The following PTPRD variants were observed in gnomAD, a reference collection of about 807,000 sequenced individuals.
The protein encoded by PTPRD is receptor-type tyrosine-protein phosphatase delta.
A neutral mutation model predicts 214.5 loss-of-function variants in PTPRD; 34 were observed. The ratio of observed to expected loss-of-function variants is 0.16; its 90% CI spans 0.12 to 0.21. The LOEUF (loss-of-function observed/expected upper bound fraction) is 0.21, where lower values mean the gene tolerates loss of function less well. PTPRD is among the 10% of genes least tolerant of loss of function. PTPRD has a pLI of 1.00. For synonymous variants in PTPRD, 1,128 were observed against 845.7 expected, an observed-to-expected ratio of 1.33 and a Z score of -5.79; for missense variants, 2,545 against 2,398.7, an observed-to-expected ratio of 1.06 and a Z score of -1.27.
chr9:9,175,938 C>A (rs1369183579), intron 10 of PTPRD, among the ~76,000 whole-genome samples: 1 of 152,136 alleles, frequency 6.6e-6, no homozygotes, highest in African/African-American at 2.4e-5. Context: ...GAAAGAAGCA[C>A]AAAGTCTTTT....
In PTPRD at chr9:8,318,154, CT is replaced by C. The variant is rs540929190; in HGVS notation, c.5671-213del. Among the ~76,000 whole-genome samples, 849 of 152,030 alleles carry C rather than the reference CT, an allele frequency of 5.6e-3. 8 individuals are homozygous for C. Among genetic ancestry groups the C allele is most frequent in the African/African-American group, 0.019 (769 of 41,482 alleles). On this transcript the variant is annotated intron_variant, in intron 45 of 45. Transcript: ENST00000381196. ...TGATTAACTTTGCCAATCAATTTGA[CT>C]AAAACGATCTCCCAATTCCAAGCAG...
In PTPRD at chr9:8,403,207, G is replaced by T. The variant is rs896560192; in HGVS notation, c.4210+1330C>A. Among the ~76,000 whole-genome samples, 7 of 152,158 alleles carry T rather than the reference G, an allele frequency of 4.6e-5. No individual in the cohort carries two copies. In the South Asian group the frequency reaches 1.2e-3, roughly 27 times the overall value. ...GTCAGAGTTATAAAATAAAGCGGTG[G>T]TCAGCAGAGATTTTGGAAGCAGAAA... On this transcript the variant is annotated intron_variant, in intron 36 of 45. Transcript: ENST00000381196.
chr9:8,534,640 C>T (rs566875262), intron 14 of PTPRD, among the ~76,000 whole-genome samples: 314 of 149,254 alleles, frequency 2.1e-3, no homozygotes, highest in Admixed American at 4.4e-3. Flanking sequence ...TATATATATA[C>T]ACACACACAC....
At chr9:8,752,434 C>A (rs2093624560) in intron 11 of PTPRD, among the ~76,000 whole-genome samples, 1 of 152,186 alleles carries the variant, frequency 6.6e-6, no homozygotes, top group African/African-American at 2.4e-5. Context: ...TTTAGCATAT[C>A]ATCAAGAAAT....
chr9:8,693,617 G>A (rs374260956), intron 12 of PTPRD, among the ~76,000 whole-genome samples: 13 of 152,334 alleles, frequency 8.5e-5, no homozygotes, highest in African/African-American at 2.9e-4. Flanking sequence ...CATATTCGAT[G>A]TAAGTGACAG....
At chr9:9,882,335 C>A (rs570669577) in intron 5 of PTPRD, among the ~76,000 whole-genome samples, 1 of 152,094 alleles carries the variant, frequency 6.6e-6, no homozygotes, top group African/African-American at 2.4e-5. Context: ...AAGGTTTTCC[C>A]ATCATTTTTG....
intron 8 of PTPRD, among the ~76,000 whole-genome samples, chr9:9,425,764 G>C (rs2080632185): frequency 1.3e-5 from 2 of 152,074 alleles, no homozygotes; most frequent in South Asian, 4.2e-4. Flanking sequence ...CATTTGGTTA[G>C]GAAAATCAGC....
chr9:8,988,847 C>T (rs2099355495), intron 11 of PTPRD, among the ~76,000 whole-genome samples: 1 of 152,054 alleles, frequency 6.6e-6, no homozygotes, highest in South Asian at 2.1e-4. Flanking sequence ...TTCTTCTACA[C>T]AGAATTGTTC....
chr9:9,557,140 T>C (rs1211194217), intron 8 of PTPRD, among the ~76,000 whole-genome samples: 1 of 152,174 alleles, frequency 6.6e-6, no homozygotes, highest in Non-Finnish European at 1.5e-5. Context: ...AACAAAATTA[T>C]AGCTCCCGCA....
rs562357656 is a variant in PTPRD, at chr9:9,840,756, C to T, written c.-367-73905G>A. 5.4e-4 allele frequency among the ~76,000 whole-genome samples: 44 copies of T among 81,184 alleles called. 1 individual carries two copies. Among genetic ancestry groups the T allele is most frequent in the African/African-American group, 2.7e-3 (43 of 16,196 alleles). 53.3% of individuals were successfully genotyped at this position (81,184 alleles called of 152,430 possible). ...CCAGCCTGGCGACAGAGCAAGACTC[C>T]GTTTCAAAAAAAAAAAAAAAAAAAA... On this transcript the variant is annotated intron_variant, in intron 5 of 45. Coordinates refer to ENST00000381196, the MANE Select transcript of PTPRD (RefSeq NM_002839.4).
intron 12 of PTPRD, among the ~76,000 whole-genome samples, chr9:8,703,269 GCT>G (rs1336791852): frequency 6.6e-6 from 1 of 152,142 alleles, no homozygotes; most frequent in Non-Finnish European, 1.5e-5. Context: ...AGTTTAAAGT[GCT>G]CTTTTTTTGT....
intron 9 of PTPRD, among the ~76,000 whole-genome samples, chr9:9,266,967 T>A (rs151205097): frequency 6.6e-6 from 1 of 151,146 alleles, no homozygotes; most frequent in Admixed American, 6.6e-5. Context: ...ATAAATGAAA[T>A]AGAGACTACA....
chr9:9,507,923 TA>T (rs1199419572), intron 8 of PTPRD, among the ~76,000 whole-genome samples: 3 of 151,614 alleles, frequency 2.0e-5, no homozygotes, highest in African/African-American at 7.2e-5. Flanking sequence ...AGAGAAAACT[TA>T]AAACTCATTT....
chr9:10,234,974 C>T (rs2099624247), intron 3 of PTPRD, among the ~76,000 whole-genome samples: 1 of 151,152 alleles, frequency 6.6e-6, no homozygotes, highest in Non-Finnish European at 1.5e-5. Flanking sequence ...GTGCAACATA[C>T]AATTATTATG....
At chr9:9,747,272 C>T (rs1315645287) in intron 6 of PTPRD, among the ~76,000 whole-genome samples, 1 of 152,110 alleles carries the variant, frequency 6.6e-6, no homozygotes, top group African/African-American at 2.4e-5. Flanking sequence ...CTCATGATTT[C>T]CGATATGAAA....
intron 11 of PTPRD, among the ~76,000 whole-genome samples, chr9:8,904,459 G>A (rs533543447): frequency 6.6e-6 from 1 of 152,046 alleles, no homozygotes; most frequent in Non-Finnish European, 1.5e-5. Context: ...ATCACCTAAG[G>A]TCAGGAGTTC....
chr9:10,390,948 C>A (rs2098049730), intron 2 of PTPRD, among the ~76,000 whole-genome samples: 1 of 151,822 alleles, frequency 6.6e-6, no homozygotes. Flanking sequence ...ATGTCCCCAG[C>A]TAACAGTCAC....
intron 3 of PTPRD, among the ~76,000 whole-genome samples, chr9:10,076,936 C>T (rs941099624): frequency 6.6e-6 from 1 of 152,106 alleles, no homozygotes; most frequent in African/African-American, 2.4e-5. Context: ...TCTTTCATTG[C>T]TTAGCCATAT....
chr9:9,947,707 G>A lies in PTPRD; in HGVS notation c.-471-9097C>T, dbSNP rs186843411. ...AGTTAGATTTTCGTTCTGATTTTTG[G>A]TTCTAAGGACTAAAATACTTGAAGT... On this transcript the variant is annotated intron_variant, in intron 4 of 45. Transcript: ENST00000381196. Among the ~76,000 whole-genome samples the A allele has an allele frequency of 3.6e-3, 468 of 128,276 alleles. 1 individual carries two copies. Among genetic ancestry groups the A allele is most frequent in the African/African-American group, 0.013 (446 of 33,564 alleles). 84.2% of individuals were successfully genotyped at this position (128,276 alleles called of 152,430 possible).
Sources: gnomAD v4.1 joint callset for allele counts (sites outside exome capture counted in the v4.1 genomes callset) on GRCh38, gnomAD v4.1.1 for gene constraint, MANE v1.5 for transcripts, NCBI Gene and HGNC (gene_info 2026-07-23, HGNC 2026-07-21) for gene names.